The following CFAP298 variants were observed in gnomAD, a reference collection of about 807,000 sequenced individuals.
CFAP298 encodes cilia and flagella associated protein 298.
A neutral mutation model predicts 41.0 loss-of-function variants in CFAP298; 38 were observed. The observed-to-expected ratio is 0.93, with a 90% confidence interval of 0.72 to 1.22. The LOEUF is 1.22. Among genes scored for constraint, CFAP298 ranks in the 50% most tolerant of loss-of-function variants. CFAP298 has a pLI of 0.00. For synonymous variants in CFAP298, 137 were observed against 135.3 expected, an observed-to-expected ratio of 1.01 and a Z score of -0.09; for missense variants, 348 against 360.3, an observed-to-expected ratio of 0.97 and a Z score of 0.28.
rs755530152 is a variant in CFAP298 at position 32,604,298 on chromosome 21, C to G, written c.376-15G>C. 1 of 1,613,836 alleles carries G rather than the reference C, an allele frequency of 6.2e-7. No individual in the cohort carries two copies. The highest frequency in any genetic ancestry group is 1.7e-5 in the Admixed American group (1 of 60,010). On this transcript the variant is annotated splice_polypyrimidine_tract_variant and intron_variant, in intron 3 of 6. Coordinates refer to ENST00000290155, the MANE Select transcript of CFAP298 (RefSeq NM_021254.4). ...TCCACTTGTTTCTGCAAGCAGAAAG[C>G]CATCGTTATCTACAGTGTGGCTAAT... is the stretch of plus-strand genomic sequence containing the variant.
At chr21:32,610,389 G>A (rs1004455299) in intron 1 of CFAP298, among the ~76,000 whole-genome samples, 1 of 152,096 alleles carries the variant, frequency 6.6e-6, no homozygotes, top group Non-Finnish European at 1.5e-5. Flanking sequence ...ATTTTTAGTA[G>A]AGACTGGGTT....
chr21:32,609,926 C>A lies in CFAP298; in HGVS notation c.219G>T (p.Leu73Phe). 1.2e-6 allele frequency: 2 copies of A among 1,614,144 alleles called. No individual in the cohort carries two copies. The highest frequency in any genetic ancestry group is 1.7e-6 in the Non-Finnish European group (2 of 1,179,972). Residue 73 changes from leucine to phenylalanine, a missense_variant, in exon 2 of 7, where the codon TTG becomes TTT. By Grantham distance (22) the Leu-to-Phe change is conservative. Transcript: ENST00000290155. ...QGLTDDQIEE[L>F]KLKDEWGEKC... ...TTTCACCCCATTCATCCTTCAATTT[C>A]AATTCTTCAATCTGATCATCGGTCA...
At chr21:32,610,798 A>ATAATAAATCACATATTCATGCAATT in intron 1 of CFAP298, among the ~76,000 whole-genome samples, 1 of 152,322 alleles carries the variant, frequency 6.6e-6, no homozygotes, top group South Asian at 2.1e-4. Flanking sequence ...AATACATTTC[A>ATAATAAATCACATATTCATGCAATT]TAATAAATCA....
At chr21:32,611,339 A>AT (rs1555884102) in intron 1 of CFAP298, among the ~76,000 whole-genome samples, 5,265 of 121,292 alleles carry the variant, frequency 0.043, 391 homozygotes, top group African/African-American at 0.1. Flanking sequence ...ATATATATAT[A>AT]ATTTATTTAT....
At chr21:32,603,098 A>G (rs751739318) in intron 5 of CFAP298, 63 bp downstream of exon 5, 4 of 1,575,920 alleles carry the variant, frequency 2.5e-6, no homozygotes, top group African/African-American at 2.7e-5. Context: ...TTCACTGTAC[A>G]TTTTTATCAG....
rs1158009254 is a variant in CFAP298 at position 32,601,288 on chromosome 21, C to CTTTT, written c.*571_*574dup. On this transcript the variant is annotated 3_prime_UTR_variant, in exon 7 of 7. Transcript: ENST00000290155. ...CAATCAGGAAGAAAAAAAAGTGTAG[C>CTTTT]TTTTTTTTTTTTTTTTTTTTTTTTT... is the stretch of plus-strand genomic sequence containing the variant. 4.1e-4 allele frequency among the ~76,000 whole-genome samples: 38 copies of CTTTT among 92,278 alleles called. No homozygotes were observed. Among genetic ancestry groups the CTTTT allele is most frequent in the African/African-American group, 8.6e-4 (19 of 22,024 alleles). The allele number at this position is 92,278 out of a possible 152,430, so 60.5% of individuals were successfully genotyped here.
intron 1 of CFAP298, among the ~76,000 whole-genome samples, chr21:32,611,648 A>T (rs778121270): frequency 9.2e-5 from 14 of 152,002 alleles, no homozygotes; most frequent in Non-Finnish European, 1.8e-4. Flanking sequence ...GCGGGGAAAG[A>T]TCACCAAGGC....
Position 32,601,114 on chromosome 21 carries a change from T to A in CFAP298, c.*749A>T, listed in dbSNP as rs1251965590. On this transcript the variant is annotated 3_prime_UTR_variant, in exon 7 of 7. Transcript: ENST00000290155. ...CCCGCAGCAGGGTTAGAGAAGTCTC[T>A]CCAGCAAGGCTGGGAGTTCAGCTTC... Among the ~76,000 whole-genome samples the A allele has an allele frequency of 1.3e-5, 2 of 151,984 alleles. No individual in the cohort carries two copies. Among genetic ancestry groups the A allele is most frequent in the Non-Finnish European group, 2.9e-5 (2 of 68,000 alleles).
intron 4 of CFAP298, 52 bp from the exon 5 acceptor site, chr21:32,603,344 G>C: frequency 6.3e-7 from 1 of 1,593,440 alleles, no homozygotes; most frequent in South Asian, 1.1e-5. Flanking sequence ...CCAGGGGGCA[G>C]AGCCCAGCTG....
intron 4 of CFAP298, 144 bp from the exon 5 acceptor site, chr21:32,603,436 T>C: frequency 1.3e-6 from 1 of 780,468 alleles, no homozygotes; most frequent in Non-Finnish European, 2.0e-6. Flanking sequence ...TCACTCTAAG[T>C]CCTTGCTGAC....
chr21:32,603,907 G>A (rs546727126), intron 4 of CFAP298, among the ~76,000 whole-genome samples: 12 of 152,242 alleles, frequency 7.9e-5, no homozygotes, highest in East Asian at 7.8e-4. Context: ...CACAAACTGC[G>A]TCCACTGCCT....
chr21:32,603,108 G>A (rs767455268), intron 5 of CFAP298, 53 bp downstream of exon 5: 1 of 1,593,232 alleles, frequency 6.3e-7, no homozygotes, highest in Non-Finnish European at 8.6e-7. Context: ...ATTTTTATCA[G>A]TTTGAAGGGA....
At chr21:32,606,086 A>G (rs987994894) in intron 3 of CFAP298, among the ~76,000 whole-genome samples, 1 of 152,208 alleles carries the variant, frequency 6.6e-6, no homozygotes, top group Non-Finnish European at 1.5e-5. Context: ...TATAAAACCA[A>G]GACACTGTGG....
At chr21:32,602,054 A>G in intron 6 of CFAP298, 81 bp from the exon 7 acceptor site, 1 of 971,824 alleles carries the variant, frequency 1.0e-6, no homozygotes. Flanking sequence ...AGAGTCCATG[A>G]CTGACCTCCC....
chr21:32,600,268 T>G lies in CFAP298; in HGVS notation c.*1595A>C, dbSNP rs1456776968. Among the ~76,000 whole-genome samples the G allele has an allele frequency of 6.6e-6, 1 of 152,102 alleles. No homozygotes were observed. ...AATTTGCTTTTACAAAATTTGAAAA[T>G]CAACCAAAAGAGTAAGGCACAAGAT... On this transcript the variant is annotated 3_prime_UTR_variant, in exon 7 of 7. Coordinates refer to ENST00000290155, the MANE Select transcript of CFAP298 (RefSeq NM_021254.4).
At chr21:32,611,339 AATT>A (rs1182068257) in intron 1 of CFAP298, among the ~76,000 whole-genome samples, 64 of 123,798 alleles carry the variant, frequency 5.2e-4, no homozygotes, top group African/African-American at 1.2e-3. Context: ...ATATATATAT[AATT>A]TATTTATATT....
rs1488267870 is a variant in CFAP298 at position 32,599,879 on chromosome 21, G to GTATACACTC, written c.*1983_*1984insGAGTGTATA. Among the ~76,000 whole-genome samples, 4 of 152,172 alleles carry GTATACACTC rather than the reference G, an allele frequency of 2.6e-5. No homozygotes were observed. The highest frequency in any genetic ancestry group is 9.7e-5 in the African/African-American group (4 of 41,436). On this transcript the variant is annotated 3_prime_UTR_variant, in exon 7 of 7. Transcript: ENST00000290155. Reference sequence around the variant, plus strand: ...GAGAGAGGATGGTTCTTCTCGCATGGGTATTTAAGGAGTGTAGTGTCATGC... The same window carrying GTATACACTC: ...GAGAGAGGATGGTTCTTCTCGCATGGTATACACTCGTATTTAAGGAGTGTAGTGTCATGC...
At position 32,612,163 on chromosome 21, in the gene CFAP298, G is replaced by T; in HGVS notation, c.81C>A (p.Leu27=). The change falls in exon 1 of 7, where the codon CTC becomes CTA. Residue 27 remains leucine (L), a synonymous_variant. Transcript: ENST00000290155. ...QAPGSTELEE[L]TVQVARVYNG... The stretch of plus-strand genomic sequence containing the variant: ...TATAGACCCGGGCCACCTGCACCGT[G>T]AGCTCCTCCAGCTCGGTACTCCCAG... 6.3e-7 allele frequency: 1 copy of T among 1,595,006 alleles called. No individual in the cohort carries two copies. Among genetic ancestry groups the T allele is most frequent in the Non-Finnish European group, 8.5e-7 (1 of 1,171,482 alleles).
Position 32,603,252 on chromosome 21 carries a change from CACAGCT to C in CFAP298, c.569_574del (p.Gln190_Trp192delinsArg). 1 of 1,614,176 alleles carries C rather than the reference CACAGCT, an allele frequency of 6.2e-7. No homozygotes were observed. Among genetic ancestry groups the C allele is most frequent in the South Asian group, 1.1e-5 (1 of 91,086 alleles). On this transcript the variant is annotated inframe_deletion, in exon 5 of 7. Transcript: ENST00000290155. The stretch of plus-strand genomic sequence containing the variant: ...TCTTCTCAGCTCCTTGGCTGCCCAC[CACAGCT>C]GCGCCTCTGCCTCTTTAATGACGTT...
Sources: allele counts gnomAD v4.1 joint callset (sites outside exome capture counted in the v4.1 genomes callset), GRCh38; gene constraint gnomAD v4.1.1; transcripts MANE v1.5; gene names NCBI Gene and HGNC (gene_info 2026-07-23, HGNC 2026-07-21).